The following PABIR3 variants were observed in gnomAD, a reference collection of about 807,000 sequenced individuals.
The protein encoded by PABIR3 is PABIR family member 3, also known as PABIR family member 1.
A neutral mutation model predicts 23.1 loss-of-function variants in PABIR3; 20 were observed. The ratio of observed to expected loss-of-function variants is 0.86; its 90% CI spans 0.61 to 1.26. PABIR3 has a LOEUF of 1.26. Ranked by LOEUF, PABIR3 falls within the 50% of genes most tolerant of loss-of-function variation. The pLI, the probability that PABIR3 is intolerant of heterozygous loss-of-function variation, is 0.00. For synonymous variants in PABIR3, 69 were observed against 68.5 expected (o/e 1.01, Z -0.04); for missense variants, 189 against 195.4 (o/e 0.97, Z 0.20).
chrX:134,800,292 C>T (rs766311791), intron 1 of PABIR3, among the ~76,000 whole-genome samples: 3 of 101,830 alleles, frequency 2.9e-5, no homozygotes, highest in African/African-American at 3.9e-5. Context: ...CAGAGCAAGA[C>T]TCCATCTCAA....
intron 3 of PABIR3, chrX:134,821,874 T>C: frequency 1.3e-6 from 1 of 771,282 alleles, no homozygotes; most frequent in Non-Finnish European, 1.5e-6. Flanking sequence ...ATTTTATCTC[T>C]AGTTACTATA....
chrX:134,849,099 A>C (rs1356502205), intron 8 of PABIR3, 68 bp from the exon 9 acceptor site: 2 of 481,871 alleles, frequency 4.2e-6, no homozygotes, highest in Admixed American at 1.2e-4. Flanking sequence ...GATCTGTTAT[A>C]ATGAAATAGT....
chrX:134,854,500 A>G lies in PABIR3; in HGVS notation c.*283A>G, dbSNP rs1349735791. Reference sequence around the variant, plus strand: ...TACAAGCGTAAATTGTTAGGCTGCTATTTTCTAGAAAATGCTGTACCTTGA... The same window carrying G: ...TACAAGCGTAAATTGTTAGGCTGCTGTTTTCTAGAAAATGCTGTACCTTGA... On this transcript the variant is annotated 3_prime_UTR_variant, in exon 11 of 11. Coordinates refer to ENST00000645433, the MANE Select transcript of PABIR3 (RefSeq NM_001388447.1). 2.2e-5 allele frequency: 5 copies of G among 222,612 alleles called. No individual in the cohort carries two copies. The highest frequency in any genetic ancestry group is 7.0e-5 in the Admixed American group (1 of 14,250). 18.3% of individuals were successfully genotyped at this position (222,612 alleles called of 1,213,427 possible).
At chrX:134,840,299 A>G (rs995869724) in intron 4 of PABIR3, among the ~76,000 whole-genome samples, 1 of 109,603 alleles carries the variant, frequency 9.1e-6, no homozygotes, top group Non-Finnish European at 1.9e-5. Flanking sequence ...TCCCTCCACT[A>G]TTGTCCTGAG....
chrX:134,817,834 A>G (rs1264730740), intron 3 of PABIR3, among the ~76,000 whole-genome samples: 2 of 111,067 alleles, frequency 1.8e-5, no homozygotes, highest in Non-Finnish European at 3.8e-5. Flanking sequence ...AATGATTGAC[A>G]TGATCAGATT....
intron 2 of PABIR3, chrX:134,811,176 C>T (rs1168059288): frequency 1.1e-5 from 8 of 747,763 alleles, no homozygotes; most frequent in African/African-American, 4.6e-5. Context: ...AAAATTCCAA[C>T]GTCAAAAGTT....
Position 134,809,546 on chromosome X carries a change from T to TA in PABIR3, c.110+1843dup, listed in dbSNP as rs759442084. On this transcript the variant is annotated intron_variant, in intron 2 of 10. Coordinates refer to ENST00000645433, the MANE Select transcript of PABIR3 (RefSeq NM_001388447.1). ...GTATTATAAGGTTTTCTAGATACCG[T>TA]AAAAATGTCTGAAAAATGCATTCAC... is the stretch of plus-strand genomic sequence containing the variant. 1.2e-5 allele frequency: 9 copies of TA among 751,300 alleles called. No homozygotes were observed. The South Asian group carries it at 6.1e-4, about 51-fold the overall frequency. The allele number at this position is 751,300 out of a possible 1,213,427, so 61.9% of individuals were successfully genotyped here.
At chrX:134,807,110 GCTGA>G (rs1374020682), upstream of PABIR3, 3 of 750,326 alleles carry the variant, frequency 4.0e-6, no homozygotes, top group Non-Finnish European at 4.7e-6. Flanking sequence ...CCCTGGCAAA[GCTGA>G]CTAAGGCGCC....
chrX:134,808,450 G>A (rs1166395421), intron 2 of PABIR3, among the ~76,000 whole-genome samples: 2 of 110,681 alleles, frequency 1.8e-5, no homozygotes, highest in South Asian at 3.9e-4. Context: ...GCGTGATCTC[G>A]GCTCACTGCA....
In PABIR3 at chrX:134,854,118, C is replaced by T. The variant is rs754469983; in HGVS notation, c.714C>T (p.Asn238=). 17 of 1,209,271 alleles carry T rather than the reference C, an allele frequency of 1.4e-5. No homozygotes were observed. In the East Asian group the frequency reaches 4.1e-4, roughly 29 times the overall value. The change falls in exon 11 of 11, where the codon AAC becomes AAT. Residue 238 remains asparagine, a synonymous_variant. Coordinates refer to ENST00000645433, the MANE Select transcript of PABIR3 (RefSeq NM_001388447.1). The part of the protein sequence containing the change: ...VYLLPATFDG[N]DSNAGSSGNS... ...TACTTCCAGCTACTTTTGATGGAAA[C>T]GACAGCAATGCTGGATCTTCTGGTA...
chrX:134,799,862 G>A (rs938691740), intron 1 of PABIR3: 11 of 110,877 alleles, frequency 9.9e-5, no homozygotes, highest in African/African-American at 3.6e-4. Context: ...CAGCTACTCC[G>A]GAGGCTGAGG....
chrX:134,845,105 G>A (rs2082389995), intron 4 of PABIR3, 100 bp from the exon 5 acceptor site: 1 of 634,650 alleles, frequency 1.6e-6, no homozygotes, highest in African/African-American at 2.3e-5. Context: ...TTCTTCTATA[G>A]CCTAGTGAAT....
At chrX:134,810,901 A>G (rs1001493868) in intron 2 of PABIR3, 4 of 752,402 alleles carry the variant, frequency 5.3e-6, no homozygotes, top group East Asian at 1.5e-4. Flanking sequence ...GATGTGTGAC[A>G]TGCCTGAGGT....
chrX:134,814,873 T>G, intron 3 of PABIR3, 24 bp downstream of exon 3: 1 of 1,095,920 alleles, frequency 9.1e-7, no homozygotes. Context: ...TATAGTGGCC[T>G]CCCTGTCTAA....
At chrX:134,857,557 G>A (rs2082756258), downstream of PABIR3, among the ~76,000 whole-genome samples, 1 of 111,465 alleles carries the variant, frequency 9.0e-6, no homozygotes. Flanking sequence ...TATAATTTTA[G>A]AATTTTGATT....
intron 3 of PABIR3, chrX:134,821,338 A>T: frequency 3.5e-6 from 4 of 1,150,724 alleles, no homozygotes; most frequent in Non-Finnish European, 4.6e-6. Context: ...AAATTACTTC[A>T]CCCACTTCTG....
At position 134,801,924 on chromosome X, in the gene PABIR3, C is replaced by T. The variant is rs1304093735; in HGVS notation, c.-97-2177C>T. On this transcript the variant is annotated intron_variant, in intron 1 of 4. Transcript: ENST00000414371. ...GGATGCAACTCATAGGTGAGTCTGA[C>T]GGAATAGAGGAGGTTTGTCCCATGG... is the stretch of plus-strand genomic sequence containing the variant. Among the ~76,000 whole-genome samples the T allele has an allele frequency of 5.6e-5, 6 of 107,194 alleles. 1 individual carries two copies. The highest frequency in any genetic ancestry group is 9.4e-3 in the Middle Eastern group (2 of 213). 93.1% of individuals were successfully genotyped at this position (107,194 alleles called of 115,157 possible). A position where few individuals can be genotyped will look rare whatever the true frequency, so the allele number is the denominator to read the frequency against.
intron 4 of PABIR3, among the ~76,000 whole-genome samples, chrX:134,843,455 C>T (rs2082314006): frequency 9.1e-6 from 1 of 109,720 alleles, no homozygotes; most frequent in Admixed American, 9.8e-5. Context: ...ATGTAGAGCT[C>T]CAGTTTTCTA....
chrX:134,850,520 GA>G (rs1399357866), intron 9 of PABIR3, among the ~76,000 whole-genome samples: 1 of 111,405 alleles, frequency 9.0e-6, no homozygotes, highest in Non-Finnish European at 1.9e-5. Flanking sequence ...GGCTAGTGTT[GA>G]AAAAATATTC....
Sources: allele counts gnomAD v4.1 joint callset (sites outside exome capture counted in the v4.1 genomes callset), GRCh38; gene constraint gnomAD v4.1.1; transcripts MANE v1.5; gene names NCBI Gene and HGNC (gene_info 2026-07-23, HGNC 2026-07-21).